The following ACTR3C variants were observed in gnomAD, a reference collection of about 807,000 sequenced individuals.
ACTR3C encodes the protein actin related protein 3C.
A neutral mutation model predicts 26.3 loss-of-function variants in ACTR3C; 18 were observed. The ratio of observed to expected loss-of-function variants is 0.68; its 90% confidence interval spans 0.47 to 1.01. The LOEUF (loss-of-function observed/expected upper bound fraction) is 1.01. Ranked by LOEUF, ACTR3C falls within the 50% of genes least tolerant of loss-of-function variation. The pLI is 0.00. For synonymous variants in ACTR3C, 55 were observed against 94.5 expected, an observed-to-expected ratio of 0.58 and a Z score of 2.42; for missense variants, 184 against 250.7, an observed-to-expected ratio of 0.73 and a Z score of 1.80.
At chr7:149,939,674 C>T in the ACTR3C span, among the ~76,000 whole-genome samples, 205 of 150,794 alleles carry the variant, frequency 1.4e-3, no homozygotes, top group African/African-American at 4.7e-3. Context: ...GCAGATACCT[C>T]ACTGGGTTAT....
the ACTR3C span, among the ~76,000 whole-genome samples, chr7:150,091,987 C>CAAA: frequency 0.033 from 645 of 19,408 alleles, 241 homozygotes; most frequent in Middle Eastern, 0.14. Context: ...GACTCCGTCT[C>CAAA]AAAAAAAAAA....
the ACTR3C span, among the ~76,000 whole-genome samples, chr7:149,977,943 G>A: frequency 6.6e-6 from 1 of 151,248 alleles, no homozygotes; most frequent in East Asian, 1.9e-4. Flanking sequence ...TAGGGAAGAA[G>A]AAACAGTGTA....
chr7:150,059,991 T>G, the ACTR3C span, among the ~76,000 whole-genome samples: 2 of 152,162 alleles, frequency 1.3e-5, no homozygotes, highest in African/African-American at 4.8e-5. Flanking sequence ...TGGGAAAAAA[T>G]ACTTTCGGCA....
chr7:150,023,262 T>C, the ACTR3C span, among the ~76,000 whole-genome samples: 1 of 51,208 alleles, frequency 2.0e-5, no homozygotes, highest in Non-Finnish European at 4.7e-5. Flanking sequence ...TAGATCTCTA[T>C]ATATCTCTAT....
the ACTR3C span, among the ~76,000 whole-genome samples, chr7:150,160,851 G>A: frequency 6.7e-6 from 1 of 149,588 alleles, no homozygotes. Context: ...ATTAATGTAT[G>A]ATTTATACAT....
At chr7:150,222,005 A>G in the ACTR3C span, among the ~76,000 whole-genome samples, 9 of 149,324 alleles carry the variant, frequency 6.0e-5, 1 homozygote, top group South Asian at 1.9e-3. Context: ...CTCCAAAAAA[A>G]AAAAAAAAAA....
At chr7:149,976,161 A>G in the ACTR3C span, among the ~76,000 whole-genome samples, 1 of 152,312 alleles carries the variant, frequency 6.6e-6, no homozygotes, top group South Asian at 2.1e-4. Context: ...TTTTCTAAGG[A>G]GCAATTTCCA....
chr7:150,287,690 C>G (rs1835901394), intron 4 of ACTR3C, among the ~76,000 whole-genome samples: 1 of 151,126 alleles, frequency 6.6e-6, no homozygotes, highest in Non-Finnish European at 1.5e-5. Flanking sequence ...CTAATGCCAT[C>G]TTCTGGGTAT....
chr7:149,943,073 C>G, the ACTR3C span, among the ~76,000 whole-genome samples: 1 of 152,074 alleles, frequency 6.6e-6, no homozygotes, highest in Non-Finnish European at 1.5e-5. Flanking sequence ...TCAGGCTACA[C>G]AATGGCGGGA....
intron 6 of ACTR3C, among the ~76,000 whole-genome samples, chr7:150,255,727 A>G (rs1329972439): frequency 6.6e-6 from 1 of 152,184 alleles, no homozygotes; most frequent in Non-Finnish European, 1.5e-5. Context: ...ACCTTATAGT[A>G]TAATTTACCC....
intron 6 of ACTR3C, among the ~76,000 whole-genome samples, chr7:150,266,367 T>C (rs1418796319): frequency 2.0e-5 from 3 of 150,096 alleles, no homozygotes; most frequent in Non-Finnish European, 4.4e-5. Context: ...GAATAATTGA[T>C]ATCCATGGAG....
chr7:149,922,571 G>A, the ACTR3C span, among the ~76,000 whole-genome samples: 1 of 152,030 alleles, frequency 6.6e-6, no homozygotes, highest in African/African-American at 2.4e-5. Flanking sequence ...GGGCGGGGAT[G>A]CCACATCTCA....
chr7:150,241,882 A>G (rs1361410611), downstream of ACTR3C, among the ~76,000 whole-genome samples: 1 of 152,178 alleles, frequency 6.6e-6, no homozygotes, highest in Non-Finnish European at 1.5e-5. Context: ...AATGATCAAC[A>G]TTATTAGCCA....
At chr7:150,035,300 C>G in the ACTR3C span, among the ~76,000 whole-genome samples, 2 of 49,988 alleles carry the variant, frequency 4.0e-5, no homozygotes, top group East Asian at 6.7e-4. Flanking sequence ...GCCTCCCCCC[C>G]CTTGCGATGG....
At chr7:150,287,983 T>C (rs116048840) in intron 4 of ACTR3C, among the ~76,000 whole-genome samples, 11,025 of 127,422 alleles carry the variant, frequency 0.087, 874 homozygotes, top group South Asian at 0.19. Context: ...AAGGTTGGTG[T>C]GCTCACGTTA....
the ACTR3C span, among the ~76,000 whole-genome samples, chr7:150,107,547 A>G: frequency 1.3e-5 from 2 of 152,072 alleles, no homozygotes; most frequent in East Asian, 1.9e-4. Context: ...AGTGAAGTCT[A>G]AACTCTGTGG....
the ACTR3C span, among the ~76,000 whole-genome samples, chr7:149,904,777 T>C: frequency 6.6e-6 from 1 of 150,648 alleles, no homozygotes; most frequent in African/African-American, 2.4e-5. Context: ...AGGAGGATCA[T>C]GAGGTCAGGA....
the ACTR3C span, among the ~76,000 whole-genome samples, chr7:149,899,873 T>A: frequency 8.2e-6 from 1 of 122,694 alleles, no homozygotes; most frequent in African/African-American, 2.8e-5. Flanking sequence ...CAAAACACAT[T>A]ATACTCAAAC....
chr7:150,205,035 CTAA>C, the ACTR3C span, among the ~76,000 whole-genome samples: 6 of 152,156 alleles, frequency 3.9e-5, no homozygotes, highest in Admixed American at 3.9e-4. Flanking sequence ...AATCCTGAAG[CTAA>C]TAATGTTATA....
Sources: allele counts gnomAD v4.1 joint callset (sites outside exome capture counted in the v4.1 genomes callset), GRCh38; gene constraint gnomAD v4.1.1; transcripts MANE v1.5; gene names NCBI Gene and HGNC (gene_info 2026-07-23, HGNC 2026-07-21).